SORCS1: variants seen among roughly 807,000 people sequenced by gnomAD.
The protein encoded by SORCS1 is sortilin related VPS10 domain containing receptor 1, also known as VPS10 domain-containing receptor SorCS1.
A neutral mutation model predicts 146.1 loss-of-function variants in SORCS1; 60 were observed. The ratio of observed to expected loss-of-function variants is 0.41; its 90% confidence interval spans 0.33 to 0.51. SORCS1 has a LOEUF of 0.51. Among genes scored for constraint, SORCS1 ranks in the 20% least tolerant of loss-of-function variants. The pLI is 0.21. For missense variants in SORCS1, 1,352 were observed against 1,487.6 expected, an observed-to-expected ratio of 0.91 and a Z score of 1.50; for synonymous variants, 637 against 584.0, an observed-to-expected ratio of 1.09 and a Z score of -1.31.
At chr10:107,112,581 G>A (rs1210087228) in intron 1 of SORCS1, among the ~76,000 whole-genome samples, 1 of 151,978 alleles carries the variant, frequency 6.6e-6, no homozygotes, top group African/African-American at 2.4e-5. Context: ...ACTCTCTAAA[G>A]ATACAGAGTG....
chr10:106,915,410 A>G (rs917533448), intron 2 of SORCS1, among the ~76,000 whole-genome samples: 2 of 152,088 alleles, frequency 1.3e-5, no homozygotes, highest in African/African-American at 4.8e-5. Context: ...ATTTTCCTAC[A>G]TGATTTGGCA....
At chr10:106,667,937 C>A (rs78619966) in intron 16 of SORCS1, 135 bp from the exon 17 acceptor site, 3 of 590,812 alleles carry the variant, frequency 5.1e-6, no homozygotes, top group Non-Finnish European at 3.0e-6. Context: ...AAAAAAAAAA[C>A]ACAAGCATTC....
rs996218024 is a variant in SORCS1, at chr10:106,822,119, C to T, written c.726+7455G>A. Among the ~76,000 whole-genome samples, 6 of 140,624 alleles carry T rather than the reference C, an allele frequency of 4.3e-5. No homozygotes were observed. In the South Asian group the frequency reaches 6.8e-4, roughly 16 times the overall value. 92.3% of individuals were successfully genotyped at this position (140,624 alleles called of 152,430 possible). ...TCATTAATTAATTTATTTTTTACTA[C>T]ATCAGTGTTAGATAGACACAGATAA... is the stretch of plus-strand genomic sequence containing the variant. On this transcript the variant is annotated intron_variant, in intron 3 of 25. Coordinates refer to ENST00000263054, the MANE Select transcript of SORCS1 (RefSeq NM_052918.5).
At chr10:107,091,545 T>A (rs1964179470) in intron 1 of SORCS1, among the ~76,000 whole-genome samples, 1 of 152,252 alleles carries the variant, frequency 6.6e-6, no homozygotes, top group Non-Finnish European at 1.5e-5. Flanking sequence ...GAATGGAGTG[T>A]CTGTTTTAAA....
chr10:106,957,512 T>C (rs1371650438), intron 1 of SORCS1, among the ~76,000 whole-genome samples: 15 of 152,146 alleles, frequency 9.9e-5, no homozygotes, highest in Admixed American at 9.8e-4. Flanking sequence ...CCCTTTGCTC[T>C]ATGTGAGCTT....
intron 5 of SORCS1, among the ~76,000 whole-genome samples, chr10:106,748,322 A>G (rs1004176332): frequency 2.0e-5 from 3 of 152,166 alleles, no homozygotes; most frequent in Admixed American, 2.0e-4. Flanking sequence ...AACATCTGTT[A>G]CGGCGATGTG....
chr10:107,022,465 AT>A (rs1282975850), intron 1 of SORCS1, among the ~76,000 whole-genome samples: 3 of 152,044 alleles, frequency 2.0e-5, no homozygotes, highest in African/African-American at 7.2e-5. Context: ...GAGGTCCCTT[AT>A]GTGCTAGGTC....
intron 18 of SORCS1, among the ~76,000 whole-genome samples, chr10:106,644,458 C>A (rs1340002491): frequency 6.6e-6 from 1 of 152,040 alleles, no homozygotes; most frequent in Non-Finnish European, 1.5e-5. Context: ...CCTCCGCCTC[C>A]CAGGTTCAAG....
At chr10:106,783,466 A>G (rs1861050459) in intron 3 of SORCS1, among the ~76,000 whole-genome samples, 1 of 152,200 alleles carries the variant, frequency 6.6e-6, no homozygotes, top group African/African-American at 2.4e-5. Context: ...CATATATAGT[A>G]CTTTATGTTC....
At chr10:106,955,270 C>G (rs528439173) in intron 2 of SORCS1, among the ~76,000 whole-genome samples, 24 of 152,372 alleles carry the variant, frequency 1.6e-4, no homozygotes, top group African/African-American at 5.5e-4. Flanking sequence ...GGCGCCACCG[C>G]ATTCCCCTCG....
At chr10:106,829,716 C>T (rs1234093570) in intron 2 of SORCS1, 43 bp from the exon 3 acceptor site, 2 of 1,480,878 alleles carry the variant, frequency 1.4e-6, no homozygotes, top group Non-Finnish European at 1.9e-6. Flanking sequence ...AAGTATATGT[C>T]ATTTGGCTGC....
At position 106,822,782 on chromosome 10, in the gene SORCS1, G is replaced by GTTTTTTTTTTTTTTTTTTTTTTTTTTTTT. The variant is rs1158921880; in HGVS notation, c.726+6791_726+6792insAAAAAAAAAAAAAAAAAAAAAAAAAAAAA. On this transcript the variant is annotated intron_variant, in intron 3 of 25. Transcript: ENST00000263054. ...CACTATGTCTCTGAATTCATGTGTGGTTTTTTTTTTTTTTTTTTTTGAATA... is the reference window on the plus strand; with the variant it reads ...CACTATGTCTCTGAATTCATGTGTGGTTTTTTTTTTTTTTTTTTTTTTTTTTTTTTTTTTTTTTTTTTTTTTTTTGAATA... Among the ~76,000 whole-genome samples the GTTTTTTTTTTTTTTTTTTTTTTTTTTTTT allele has an allele frequency of 2.7e-5, 3 of 113,152 alleles. 1 individual carries two copies. The highest frequency in any genetic ancestry group is 1.1e-4 in the African/African-American group (3 of 26,320). The allele number at this position is 113,152 out of a possible 152,430, so 74.2% of individuals were successfully genotyped here.
intron 1 of SORCS1, among the ~76,000 whole-genome samples, chr10:107,052,276 G>T (rs1960193080): frequency 1.3e-5 from 2 of 152,130 alleles, no homozygotes; most frequent in South Asian, 4.1e-4. Context: ...ACTCAGGGAT[G>T]ACACTCCAGT....
intron 1 of SORCS1, among the ~76,000 whole-genome samples, chr10:107,027,833 A>G (rs1009433883): frequency 5.9e-5 from 9 of 152,106 alleles, no homozygotes; most frequent in Non-Finnish European, 1.0e-4. Flanking sequence ...CTGTCAAGTT[A>G]CCCCTACCAC....
intron 5 of SORCS1, among the ~76,000 whole-genome samples, chr10:106,749,220 T>G (rs1311016649): frequency 6.6e-6 from 1 of 152,202 alleles, no homozygotes; most frequent in South Asian, 2.1e-4. Flanking sequence ...CGCAGTCAAT[T>G]CCTTCCAAGA....
At chr10:107,084,246 C>T (rs1051561107) in intron 1 of SORCS1, among the ~76,000 whole-genome samples, 1 of 150,740 alleles carries the variant, frequency 6.6e-6, no homozygotes, top group African/African-American at 2.4e-5. Context: ...TAGGTGCCCA[C>T]CACCATACCC....
intron 3 of SORCS1, among the ~76,000 whole-genome samples, chr10:106,791,497 C>T (rs1004540935): frequency 1.3e-5 from 2 of 152,036 alleles, no homozygotes; most frequent in Non-Finnish European, 2.9e-5. Context: ...GTCAAAAGAT[C>T]GAGACCAACC....
Position 106,696,777 on chromosome 10 carries a change from C to T in SORCS1, c.1413+2437G>A, listed in dbSNP as rs555256126. Among the ~76,000 whole-genome samples, 10 of 152,310 alleles carry T rather than the reference C, an allele frequency of 6.6e-5. 1 individual carries two copies. In the South Asian group the frequency reaches 1.9e-3, roughly 28 times the overall value. On this transcript the variant is annotated intron_variant, in intron 9 of 25. Transcript: ENST00000263054. ...AATAGCTGCAAACAACAAGACATTGCAAAGTCATTCCTGTCTAAATTTGTC... is the reference window on the plus strand; with the variant it reads ...AATAGCTGCAAACAACAAGACATTGTAAAGTCATTCCTGTCTAAATTTGTC...
intron 1 of SORCS1, among the ~76,000 whole-genome samples, chr10:107,059,962 C>T (rs115709022): frequency 6.6e-6 from 1 of 151,732 alleles, no homozygotes; most frequent in Non-Finnish European, 1.5e-5. Context: ...TTACGAAGTA[C>T]ATTAGAATGC....
Sources: allele counts gnomAD v4.1 joint callset (sites outside exome capture counted in the v4.1 genomes callset), GRCh38; gene constraint gnomAD v4.1.1; transcripts MANE v1.5; gene names NCBI Gene and HGNC (gene_info 2026-07-23, HGNC 2026-07-21).